The following ZMYM6 variants were observed in gnomAD, a reference collection of about 807,000 sequenced individuals.
The protein encoded by ZMYM6 is zinc finger MYM-type protein 6.
ZMYM6 carries 90 observed loss-of-function variants against 134.0 expected under a neutral mutation model. The observed-to-expected ratio is 0.67, with a 90% CI of 0.57 to 0.80. ZMYM6 has a LOEUF of 0.80. Ranked by LOEUF, ZMYM6 falls within the 30% of genes least tolerant of loss-of-function variation. The probability of loss-of-function intolerance (pLI) is 0.00; values close to 1 mark genes in which losing one functional copy is unlikely to be tolerated. For synonymous variants in ZMYM6, 481 were observed against 524.1 expected (o/e 0.92, Z 1.12); for missense variants, 1,362 against 1,533.9 (o/e 0.89, Z 1.87).
Position 35,008,781 on chromosome 1 carries a change from T to C in ZMYM6, c.1636A>G (p.Met546Val). ...KLEEFCCEDC[M>V]SKFTVLFYQM... ...TAAAACAGAACTGTAAATTTGGACA[T>C]ACAATCTTCACAACAAAACTCTTCT... Residue 546 changes from methionine to valine, a missense_variant, in exon 11 of 16, where the codon ATG (methionine) becomes GTG (valine). Met to Val is a conservative substitution (Grantham distance 21). Transcript: ENST00000357182. 1.9e-6 allele frequency: 3 copies of C among 1,614,040 alleles called. No individual in the cohort carries two copies. Among genetic ancestry groups the C allele is most frequent in the African/African-American group, 2.7e-5 (2 of 75,058 alleles).
Position 35,020,236 on chromosome 1 carries a change from A to G in ZMYM6, c.178+147T>C, listed in dbSNP as rs374391768. On this transcript the variant is annotated intron_variant, in intron 3 of 15. Transcript: ENST00000357182. ...ATATAATCTTACTCTATTTTTTAAAACGCTGCTGAAAACCAGCTACTCACA... is the reference window on the plus strand; with the variant it reads ...ATATAATCTTACTCTATTTTTTAAAGCGCTGCTGAAAACCAGCTACTCACA... 9.3e-5 allele frequency: 55 copies of G among 589,942 alleles called. No individual in the cohort carries two copies. The South Asian group carries it at 1.5e-3, about 16-fold the overall frequency. 36.5% of individuals were successfully genotyped at this position (589,942 alleles called of 1,614,324 possible).
At chr1:35,024,410 G>C (rs1641367871) in intron 2 of ZMYM6, among the ~76,000 whole-genome samples, 1 of 152,074 alleles carries the variant, frequency 6.6e-6, no homozygotes, top group South Asian at 2.1e-4. Context: ...ATGCCTCCTT[G>C]TGCAGTTTAC....
chr1:35,021,051 C>G (rs1641300036), intron 2 of ZMYM6, among the ~76,000 whole-genome samples: 1 of 151,614 alleles, frequency 6.6e-6, no homozygotes, highest in Non-Finnish European at 1.5e-5. Context: ...CATAGCTATT[C>G]CAAATGCTGA....
intron 4 of ZMYM6, among the ~76,000 whole-genome samples, chr1:35,016,925 A>G (rs894970973): frequency 6.7e-6 from 1 of 150,372 alleles, no homozygotes; most frequent in East Asian, 1.9e-4. Flanking sequence ...GGATTGCTTG[A>G]GCCCGGGAGG....
chr1:35,029,880 A>G (rs1641486025), intron 2 of ZMYM6, among the ~76,000 whole-genome samples: 1 of 152,192 alleles, frequency 6.6e-6, no homozygotes, highest in East Asian at 1.9e-4. Flanking sequence ...GTAATTATAT[A>G]TATTACTTGA....
intron 6 of ZMYM6, chr1:35,013,216 C>A (rs1179482674): frequency 1.4e-5 from 10 of 706,642 alleles, no homozygotes; most frequent in Non-Finnish European, 1.7e-5. Context: ...AACCTTTCAA[C>A]AACAGAGTGA....
At position 34,987,448 on chromosome 1, in the gene ZMYM6, T is replaced by C. The variant is rs1295082966; in HGVS notation, c.3634A>G (p.Asn1212Asp). 1 of 1,613,794 alleles carries C rather than the reference T, an allele frequency of 6.2e-7. No homozygotes were observed. The highest frequency in any genetic ancestry group is 8.5e-7 in the Non-Finnish European group (1 of 1,179,964). The change falls in exon 16 of 16, where the codon AAT becomes GAT. Residue 1212 changes from asparagine (N) to aspartate (D), a missense_variant. Coordinates refer to ENST00000357182, the MANE Select transcript of ZMYM6 (RefSeq NM_007167.4). ...ATAAAAGGGTGAATTATCCACAAAT[T>C]TCCTGAACGCAAGTCTTGTTCTGGT... ...FPPEQDLRSG[N>D]LWIIHPFMNH... is the part of the protein sequence containing the mutation.
In ZMYM6 at chr1:35,030,695, G is replaced by T; in HGVS notation, c.-56C>A. ...GCTCAAACGAATAGATTTCTTCTTG[G>T]TAATGGATAGTTGGACACCTAAAAT... On this transcript the variant is annotated 5_prime_UTR_variant, in exon 2 of 16. Coordinates refer to ENST00000357182, the MANE Select transcript of ZMYM6 (RefSeq NM_007167.4). The T allele has an allele frequency of 6.7e-7, 1 of 1,499,780 alleles. No individual in the cohort carries two copies. Among genetic ancestry groups the T allele is most frequent in the Non-Finnish European group, 9.2e-7 (1 of 1,090,284 alleles). The allele number at this position is 1,499,780 out of a possible 1,614,324, so 92.9% of individuals were successfully genotyped here.
In ZMYM6 at chr1:35,010,999, G is replaced by A. The variant is rs753597685; in HGVS notation, c.1100C>T (p.Ala367Val). The change falls in exon 9 of 16, where the codon GCG (alanine) becomes GTG (valine). Residue 367 changes from alanine (A) to valine (V), a missense_variant. Transcript: ENST00000357182. ...CACTTGGCCCTGAGACAGGGGCACC[G>A]CCGAAGAGTTTGTTCCTTTTGGCTT... ...FSKPKGTNSS[A>V]VPLSQGQVVV... The A allele has an allele frequency of 1.7e-5, 27 of 1,613,658 alleles. No individual in the cohort carries two copies. Among genetic ancestry groups the A allele is most frequent in the South Asian group, 1.2e-4 (11 of 91,040 alleles).
At chr1:35,012,170 C>T (rs1055194869) in intron 7 of ZMYM6, among the ~76,000 whole-genome samples, 165 bp from the exon 8 acceptor site, 1 of 152,064 alleles carries the variant, frequency 6.6e-6, no homozygotes, top group African/African-American at 2.4e-5. Flanking sequence ...CTATTAAGTC[C>T]CACTTACACA....
At chr1:35,027,248 A>T (rs966757690) in intron 2 of ZMYM6, among the ~76,000 whole-genome samples, 2 of 152,190 alleles carry the variant, frequency 1.3e-5, no homozygotes, top group African/African-American at 2.4e-5. Context: ...ATGACACTGG[A>T]GAGGGAAACA....
intron 11 of ZMYM6, 95 bp downstream of exon 11, chr1:35,008,657 C>T (rs1641029430): frequency 7.2e-7 from 1 of 1,396,972 alleles, no homozygotes; most frequent in Non-Finnish European, 9.7e-7. Flanking sequence ...CAGTGCTAAA[C>T]ACCAAATTTT....
rs879274435 is a variant in ZMYM6, at chr1:35,021,619, CA to C, written c.94-1153del. On this transcript the variant is annotated intron_variant, in intron 2 of 15. Transcript: ENST00000357182. ...TGGGCAACAGAGCGAGCCTCTGCCT[CA>C]AAAAAAAAAAGAAAAAGAAAAAAAG... is the stretch of plus-strand genomic sequence containing the variant. Among the ~76,000 whole-genome samples the C allele has an allele frequency of 1.9e-3, 244 of 126,396 alleles. 3 individuals carry two copies. The East Asian group carries it at 0.035, about 18-fold the overall frequency. 82.9% of individuals were successfully genotyped at this position (126,396 alleles called of 152,430 possible). A position where few individuals can be genotyped will look rare whatever the true frequency, so the allele number is the denominator to read the frequency against.
chr1:34,995,447 T>C (rs557183137), intron 14 of ZMYM6, among the ~76,000 whole-genome samples: 1 of 152,080 alleles, frequency 6.6e-6, no homozygotes, highest in South Asian at 2.1e-4. Context: ...TGATAAAGTT[T>C]TATTTATAAA....
intron 2 of ZMYM6, among the ~76,000 whole-genome samples, chr1:35,024,087 A>C (rs1349336859): frequency 6.6e-6 from 1 of 152,100 alleles, no homozygotes; most frequent in African/African-American, 2.4e-5. Flanking sequence ...TTGATGTTTC[A>C]ATTGCACCAG....
intron 2 of ZMYM6, among the ~76,000 whole-genome samples, chr1:35,020,985 C>T (rs1641299314): frequency 6.6e-6 from 1 of 151,802 alleles, no homozygotes; most frequent in Non-Finnish European, 1.5e-5. Context: ...ATTAGAGAAT[C>T]TTTTAAAATA....
In ZMYM6 at chr1:34,988,278, C is replaced by G. The variant is rs762416869; in HGVS notation, c.2804G>C (p.Cys935Ser). ...LCYIRFIDYD[C>S]RDVKEELLFC... ...TAATAATTCTTCTTTTACATCACGA[C>G]AATCATAATCAATGAAACGAATATA... Residue 935 changes from cysteine to serine, a missense_variant, in exon 16 of 16, where the codon TGT (cysteine) becomes TCT (serine). By Grantham distance (112) the Cys-to-Ser change is moderately radical (BLOSUM62 -1). This residue lies in a region of ZMYM6 where 824 missense variants were observed against 940.9 expected (regional missense o/e 0.88). Transcript: ENST00000357182. The G allele has an allele frequency of 1.9e-6, 3 of 1,550,424 alleles. No homozygotes were observed. Among genetic ancestry groups the G allele is most frequent in the African/African-American group, 2.7e-5 (2 of 73,014 alleles).
At chr1:35,000,309 G>A (rs1640858411) in intron 14 of ZMYM6, among the ~76,000 whole-genome samples, 1 of 151,054 alleles carries the variant, frequency 6.6e-6, no homozygotes, top group Middle Eastern at 3.3e-3. Context: ...GTGCAATCAA[G>A]GCTTACTACA....
chr1:35,020,569 T>A (rs1391100456), intron 2 of ZMYM6, 102 bp from the exon 3 acceptor site: 24 of 128,312 alleles, frequency 1.9e-4, no homozygotes, highest in Non-Finnish European at 3.1e-4. Context: ...ATTCATCTCC[T>A]TTTTTTTTTT....
Sources: allele counts gnomAD v4.1 joint callset (sites outside exome capture counted in the v4.1 genomes callset), GRCh38; gene constraint gnomAD v4.1.1; regional missense constraint gnomAD v4.1.1; transcripts MANE v1.5; gene names NCBI Gene and HGNC (gene_info 2026-07-23, HGNC 2026-07-21).